Variants in XYLT1 observed in about 807,000 individuals in gnomAD.
XYLT1 encodes the protein beta-D-xylosyltransferase 1.
A neutral mutation model predicts 91.3 loss-of-function variants in XYLT1; 36 were observed. The observed-to-expected ratio is 0.39, with a 90% CI of 0.30 to 0.52. The LOEUF (loss-of-function observed/expected upper bound fraction) is 0.52, where lower values mean the gene tolerates loss of function less well. XYLT1 is among the 20% of genes least tolerant of loss of function. The pLI is 0.68. For missense variants in XYLT1, 1,242 were observed against 1,284.5 expected (o/e 0.97, Z 0.51); for synonymous variants, 588 against 532.0 (o/e 1.11, Z -1.45).
At chr16:17,220,298 T>G (rs946683031) in intron 3 of XYLT1, among the ~76,000 whole-genome samples, 1 of 152,116 alleles carries the variant, frequency 6.6e-6, no homozygotes, top group Non-Finnish European at 1.5e-5. Flanking sequence ...GGGTAGGATT[T>G]GTTGAAACTG....
chr16:17,133,552 C>A (rs141055261), intron 9 of XYLT1, among the ~76,000 whole-genome samples: 1 of 152,244 alleles, frequency 6.6e-6, no homozygotes, highest in East Asian at 1.9e-4. Flanking sequence ...GAATCATTAT[C>A]ATTGCGGAAG....
intron 1 of XYLT1, among the ~76,000 whole-genome samples, chr16:17,423,804 C>T (rs966010526): frequency 2.0e-5 from 3 of 151,940 alleles, no homozygotes; most frequent in Middle Eastern, 3.2e-3. Context: ...TTAGTAGAGA[C>T]GGGGTTTTAC....
intron 1 of XYLT1, among the ~76,000 whole-genome samples, chr16:17,381,037 G>A (rs1011899931): frequency 5.3e-5 from 8 of 152,170 alleles, no homozygotes; most frequent in East Asian, 3.8e-4. Context: ...CTTTGTTGTC[G>A]TTGTTTCTTT....
intron 1 of XYLT1, among the ~76,000 whole-genome samples, chr16:17,392,512 C>T (rs977743384): frequency 5.3e-5 from 8 of 152,152 alleles, no homozygotes; most frequent in African/African-American, 1.9e-4. Flanking sequence ...ACTGCTGCAT[C>T]CTCATCGTGC....
chr16:17,172,197 C>T (rs547972872), intron 5 of XYLT1, among the ~76,000 whole-genome samples: 8 of 151,988 alleles, frequency 5.3e-5, no homozygotes, highest in Admixed American at 2.6e-4. Context: ...CCTTCCTTCC[C>T]TCCTCTCTCC....
intron 3 of XYLT1, among the ~76,000 whole-genome samples, chr16:17,211,768 G>T (rs1055017192): frequency 6.6e-6 from 1 of 152,176 alleles, no homozygotes; most frequent in Non-Finnish European, 1.5e-5. Context: ...TGCTAAGCTT[G>T]ATGGGAACCA....
At chr16:17,264,676 A>G (rs1206172729) in intron 2 of XYLT1, among the ~76,000 whole-genome samples, 3 of 152,180 alleles carry the variant, frequency 2.0e-5, no homozygotes, top group Non-Finnish European at 4.4e-5. Context: ...CCCAGCACCC[A>G]AGTGGCCCAT....
At chr16:17,297,408 G>A (rs113712706) in intron 2 of XYLT1, among the ~76,000 whole-genome samples, 4,608 of 152,058 alleles carry the variant, frequency 0.03, 101 homozygotes, top group Non-Finnish European at 0.042. Context: ...CCCACCGACG[G>A]TGTCTCTAGG....
chr16:17,239,897 A>G (rs1004913795), intron 3 of XYLT1, among the ~76,000 whole-genome samples: 2 of 152,136 alleles, frequency 1.3e-5, no homozygotes, highest in African/African-American at 4.8e-5. Context: ...CACTCAACCC[A>G]TCTTTCCATA....
intron 2 of XYLT1, among the ~76,000 whole-genome samples, chr16:17,296,358 ATTT>A (rs1430608366): frequency 6.6e-6 from 1 of 152,060 alleles, no homozygotes; most frequent in Admixed American, 6.6e-5. Flanking sequence ...TTCGCGGGTG[ATTT>A]TTTTAGTGCT....
intron 1 of XYLT1, among the ~76,000 whole-genome samples, chr16:17,380,402 CCCATG>C (rs1443551129): frequency 6.6e-6 from 1 of 152,122 alleles, no homozygotes. Context: ...GGTTGTATAT[CCCATG>C]GAAGGATATA....
chr16:17,310,516 C>T (rs546385977), intron 2 of XYLT1, among the ~76,000 whole-genome samples: 2 of 152,160 alleles, frequency 1.3e-5, no homozygotes, highest in Non-Finnish European at 2.9e-5. Context: ...TCCTCCTACT[C>T]AGGGTCAGTA....
At chr16:17,246,503 G>A (rs1405376156) in intron 3 of XYLT1, among the ~76,000 whole-genome samples, 1 of 152,186 alleles carries the variant, frequency 6.6e-6, no homozygotes, top group Non-Finnish European at 1.5e-5. Context: ...GTTAAGGTGT[G>A]GGTTTTGAAG....
intron 9 of XYLT1, among the ~76,000 whole-genome samples, chr16:17,134,107 C>G (rs1298181240): frequency 1.3e-5 from 2 of 152,062 alleles, no homozygotes; most frequent in African/African-American, 4.8e-5. Context: ...TTCCACTGTT[C>G]TATGTTGTAC....
chr16:17,289,595 T>A (rs1009691203), intron 2 of XYLT1, among the ~76,000 whole-genome samples: 1 of 152,210 alleles, frequency 6.6e-6, no homozygotes, highest in Non-Finnish European at 1.5e-5. Context: ...TCCCTAGGTA[T>A]GGGAATTTAA....
intron 1 of XYLT1, among the ~76,000 whole-genome samples, chr16:17,415,915 A>G (rs2036174668): frequency 6.6e-6 from 1 of 152,230 alleles, no homozygotes; most frequent in Non-Finnish European, 1.5e-5. Context: ...TCTATGGGGA[A>G]GAACATTCTG....
intron 1 of XYLT1, among the ~76,000 whole-genome samples, chr16:17,437,201 A>G (rs185761232): frequency 1.3e-5 from 2 of 152,300 alleles, no homozygotes; most frequent in East Asian, 1.9e-4. Flanking sequence ...ACCAATTATG[A>G]TAAGGAAAAA....
intron 6 of XYLT1, among the ~76,000 whole-genome samples, chr16:17,157,705 C>T (rs1337784834): frequency 7.2e-5 from 11 of 152,132 alleles, no homozygotes; most frequent in South Asian, 4.1e-4. Flanking sequence ...AACAAGACCC[C>T]GGGATGTCAG....
rs1171408006 is a variant in XYLT1, at chr16:17,470,774, C to T, written c.23G>A (p.Arg8Gln). The T allele has an allele frequency of 9.6e-7, 1 of 1,045,374 alleles. No individual in the cohort carries two copies. The highest frequency in any genetic ancestry group is 1.2e-6 in the Non-Finnish European group (1 of 866,432). 64.8% of individuals were successfully genotyped at this position (1,045,374 alleles called of 1,614,324 possible). The change falls in exon 1 of 12, where the codon CGG (arginine) becomes CAG (glutamine). Residue 8 changes from arginine (R) to glutamine (Q), a missense_variant. By Grantham distance (43) the Arg-to-Gln change is conservative. Transcript: ENST00000261381. MVAAPCA[R>Q]RLARRSHSAL... ...CGAGTGCGAGCGCCGGGCCAGCCTC[C>T]GGGCGCACGGCGCCGCCACCATCTT...
Sources: gnomAD v4.1 joint callset for allele counts (sites outside exome capture counted in the v4.1 genomes callset) on GRCh38, gnomAD v4.1.1 for gene constraint, MANE v1.5 for transcripts, NCBI Gene and HGNC (gene_info 2026-07-23, HGNC 2026-07-21) for gene names.